The following RPE variants were observed in gnomAD, a reference collection of about 807,000 sequenced individuals.
RPE encodes the protein ribulose-phosphate 3-epimerase.
A neutral mutation model predicts 24.6 loss-of-function variants in RPE; 16 were observed. The ratio of observed to expected loss-of-function variants is 0.65; its 90% confidence interval spans 0.44 to 0.99. RPE has a LOEUF of 0.99. RPE is among the 50% of genes least tolerant of loss of function. The pLI is 0.00. For missense variants in RPE, 240 were observed against 294.5 expected (o/e 0.81, Z 1.35); for synonymous variants, 93 against 98.4 (o/e 0.94, Z 0.33).
chr2:210,004,077 A>G (rs1400513707), intron 1 of RPE, among the ~76,000 whole-genome samples: 1 of 152,194 alleles, frequency 6.6e-6, no homozygotes, highest in Non-Finnish European at 1.5e-5. Context: ...TGAAAGCCCT[A>G]AACTGTCACA....
chr2:210,017,360 A>C, intron 4 of RPE, 113 bp from the exon 5 acceptor site: 1 of 761,900 alleles, frequency 1.3e-6, no homozygotes, highest in Non-Finnish European at 2.2e-6. Context: ...AGACAATTGG[A>C]GTTTTAATTG....
In RPE at chr2:210,009,740, A is replaced by G; in HGVS notation, c.202+4A>G. 1 of 1,614,136 alleles carries G rather than the reference A, an allele frequency of 6.2e-7. No individual in the cohort carries two copies. Among genetic ancestry groups the G allele is most frequent in the Non-Finnish European group, 8.5e-7 (1 of 1,180,010 alleles). ...CTAGGCCAGGACCCTTTCTTTGGTA[A>G]GTGGGTGTTACGCCATCTGAAGCTG... On this transcript the variant is annotated splice_donor_region_variant and intron_variant, in intron 2 of 5. Coordinates refer to ENST00000359429, the MANE Select transcript of RPE (RefSeq NM_199229.3).
intron 5 of RPE, chr2:210,018,301 T>C: frequency 6.8e-7 from 1 of 1,465,190 alleles, no homozygotes. Context: ...TATTATTTAG[T>C]TGTTCCTTGT....
Position 210,002,724 on chromosome 2 carries a change from C to T in RPE, c.63C>T (p.Ala21=). The change falls in exon 1 of 6, where the codon GCC becomes GCT. Residue 21 remains alanine (A), a synonymous_variant. Coordinates refer to ENST00000359429, the MANE Select transcript of RPE (RefSeq NM_199229.3). The part of the protein sequence containing the change: ...ILNSDLANLG[A]ECLRMLDSGA... ...ACAGCGACCTGGCCAATTTAGGGGC[C>T]GAGTGCCTCCGGATGCTAGACTCTG... The T allele has an allele frequency of 1.2e-6, 2 of 1,614,186 alleles. No homozygotes were observed. Among genetic ancestry groups the T allele is most frequent in the South Asian group, 2.2e-5 (2 of 91,086 alleles).
At chr2:210,013,025 T>C (rs2125074178) in intron 2 of RPE, among the ~76,000 whole-genome samples, 1 of 152,362 alleles carries the variant, frequency 6.6e-6, no homozygotes, top group South Asian at 2.1e-4. Flanking sequence ...ACACTGCAGC[T>C]AACCTTTATA....
In RPE at chr2:210,016,147, C is replaced by A. The variant is rs769010921; in HGVS notation, c.342+35C>A. The A allele has an allele frequency of 3.7e-6, 6 of 1,613,972 alleles. No individual in the cohort carries two copies. In the African/African-American group the frequency reaches 8.0e-5, roughly 22 times the overall value. ...CGTGATGAGAGTGTTTTGTAACATTCACTCTCAGTTGGGAAGATTTGCGGG... is the reference window on the plus strand; with the variant it reads ...CGTGATGAGAGTGTTTTGTAACATTAACTCTCAGTTGGGAAGATTTGCGGG... On this transcript the variant is annotated intron_variant, in intron 3 of 5. Transcript: ENST00000359429.
At chr2:210,019,122 T>C (rs764833185) in intron 5 of RPE, among the ~76,000 whole-genome samples, 4 of 152,208 alleles carry the variant, frequency 2.6e-5, no homozygotes, top group Non-Finnish European at 5.9e-5. Flanking sequence ...TCTTAAAAAC[T>C]TTTTTAAAGC....
chr2:210,018,391 T>C, intron 5 of RPE: 1 of 985,132 alleles, frequency 1.0e-6, no homozygotes. Context: ...AAAAACTTTT[T>C]TTTACTTTTT....
intron 2 of RPE, 45 bp downstream of exon 2, chr2:210,009,781 TA>T (rs1287036328): frequency 1.2e-6 from 2 of 1,611,956 alleles, no homozygotes; most frequent in Non-Finnish European, 1.7e-6. Context: ...GTTGCTCAAG[TA>T]AAGGAAAACT....
chr2:210,016,866 C>CA (rs1437069543), intron 4 of RPE, among the ~76,000 whole-genome samples: 4 of 152,186 alleles, frequency 2.6e-5, no homozygotes, highest in African/African-American at 9.6e-5. Flanking sequence ...TTCTTTGAGA[C>CA]AAAGTCTTGC....
At chr2:210,002,838 C>T (rs2125044952) in intron 1 of RPE, 55 bp downstream of exon 1, 4 of 1,613,338 alleles carry the variant, frequency 2.5e-6, no homozygotes, top group Non-Finnish European at 3.4e-6. Flanking sequence ...GATCAGTGCA[C>T]CTTTATTGAC....
intron 1 of RPE, chr2:210,003,514 G>C (rs1480032990): frequency 1.7e-6 from 2 of 1,178,308 alleles, no homozygotes; most frequent in African/African-American, 3.1e-5. Context: ...AATATTGTTT[G>C]GAGTCAGGAT....
At chr2:210,016,727 A>G (rs1325322263) in intron 4 of RPE, 86 bp downstream of exon 4, 8 of 1,582,102 alleles carry the variant, frequency 5.1e-6, no homozygotes, top group Middle Eastern at 1.7e-4. Flanking sequence ...ATATTTAGGC[A>G]TAACCTGTTC....
chr2:210,017,730 ATGCTTTTTTTTTTT>A (rs2093794645), intron 5 of RPE, 171 bp downstream of exon 5: 5 of 376,430 alleles, frequency 1.3e-5, no homozygotes, highest in East Asian at 6.0e-5. Context: ...ATAAGTGGAT[ATGCTTTTTTTTTTT>A]TTTTTTTTTT....
At position 210,021,754 on chromosome 2, in the gene RPE, T is replaced by C. The variant is rs1362150671; in HGVS notation, c.*1963T>C. 6.6e-6 allele frequency: 1 copy of C among 152,096 alleles called. No individual in the cohort carries two copies. The highest frequency in any genetic ancestry group is 1.5e-5 in the Non-Finnish European group (1 of 67,940). 9.4% of individuals were successfully genotyped at this position (152,096 alleles called of 1,614,324 possible). A position where few individuals can be genotyped will look rare whatever the true frequency, so the allele number is the denominator to read the frequency against. ...CATGACAAAAAGTGAGTTATATAAA[T>C]TGTCCTCAACTTTCACATAGGAAAA... On this transcript the variant is annotated 3_prime_UTR_variant, in exon 6 of 6. Transcript: ENST00000359429.
At position 210,018,553 on chromosome 2, in the gene RPE, T is replaced by C. The variant is rs201792926; in HGVS notation, c.564+994T>C. Reference sequence around the variant, plus strand: ...GGTTCTTGTATAACTGCCACACGTTTCTGCTTGATATATACCTATCAAAAG... The same window carrying C: ...GGTTCTTGTATAACTGCCACACGTTCCTGCTTGATATATACCTATCAAAAG... On this transcript the variant is annotated intron_variant, in intron 5 of 5. Coordinates refer to ENST00000359429, the MANE Select transcript of RPE (RefSeq NM_199229.3). 2.1e-4 allele frequency: 207 copies of C among 985,298 alleles called. 1 individual carries two copies. The highest frequency in any genetic ancestry group is 2.1e-3 in the Middle Eastern group (4 of 1,914). The allele number at this position is 985,298 out of a possible 1,614,324, so 61.0% of individuals were successfully genotyped here. A position where few individuals can be genotyped will look rare whatever the true frequency, so the allele number is the denominator to read the frequency against.
chr2:210,007,796 A>G (rs2093649783), intron 1 of RPE, among the ~76,000 whole-genome samples: 1 of 152,228 alleles, frequency 6.6e-6, no homozygotes, highest in South Asian at 2.1e-4. Flanking sequence ...CTCATATAGG[A>G]TAATACCTGC....
intron 2 of RPE, 77 bp downstream of exon 2, chr2:210,009,813 C>A (rs561462524): frequency 1.9e-6 from 3 of 1,585,332 alleles, no homozygotes; most frequent in Non-Finnish European, 2.6e-6. Context: ...TTTTAACTTC[C>A]AAGTTCATCT....
chr2:210,008,329 T>C (rs1267165948), intron 1 of RPE, among the ~76,000 whole-genome samples: 2 of 149,252 alleles, frequency 1.3e-5, no homozygotes, highest in African/African-American at 2.5e-5. Context: ...GGAGTCTTGC[T>C]CTGTTGCCCA....
Sources: gnomAD v4.1 joint callset for allele counts (sites outside exome capture counted in the v4.1 genomes callset) on GRCh38, gnomAD v4.1.1 for gene constraint, MANE v1.5 for transcripts, NCBI Gene and HGNC (gene_info 2026-07-23, HGNC 2026-07-21) for gene names.